Variants in NUDT3 observed in about 807,000 individuals in gnomAD.
NUDT3 encodes the protein diphosphoinositol polyphosphate phosphohydrolase 1.
Under a neutral mutation model 23.6 loss-of-function variants are expected in NUDT3, and 9 were observed. That is an observed-to-expected ratio of 0.38 (90% CI 0.23 to 0.66). NUDT3 has a LOEUF of 0.66. NUDT3 is among the 30% of genes least tolerant of loss of function. The probability of loss-of-function intolerance (pLI) is 0.52; values close to 1 mark genes in which losing one functional copy is unlikely to be tolerated. For missense variants in NUDT3, 172 were observed against 218.5 expected, an observed-to-expected ratio of 0.79 and a Z score of 1.34; for synonymous variants, 86 against 82.6, an observed-to-expected ratio of 1.04 and a Z score of -0.22.
intron 2 of NUDT3, among the ~76,000 whole-genome samples, chr6:34,337,412 G>A (rs1027781662): frequency 6.6e-6 from 1 of 152,186 alleles, no homozygotes; most frequent in African/African-American, 2.4e-5. Context: ...ACAGGAGCTA[G>A]GTAAGATACT....
At chr6:34,374,167 A>G (rs1315796491) in intron 1 of NUDT3, among the ~76,000 whole-genome samples, 1 of 150,438 alleles carries the variant, frequency 6.6e-6, no homozygotes, top group Non-Finnish European at 1.5e-5. Flanking sequence ...AAAAAAAAAA[A>G]AAAAAAAAAA....
At position 34,366,204 on chromosome 6, in the gene NUDT3, C is replaced by CA. The variant is rs763153596; in HGVS notation, c.100-24233dup. Among the ~76,000 whole-genome samples, 424 of 133,248 alleles carry CA rather than the reference C, an allele frequency of 3.2e-3. 3 individuals carry two copies. Among genetic ancestry groups the CA allele is most frequent in the African/African-American group, 7.1e-3 (258 of 36,436 alleles). 87.4% of individuals were successfully genotyped at this position (133,248 alleles called of 152,430 possible). A position where few individuals can be genotyped will look rare whatever the true frequency, so the allele number is the denominator to read the frequency against. ...CAACATAGGAAGACCCCATCTCTAC[C>CA]AAAAAAAAAAAAATACAAAAAGTAG... is the stretch of plus-strand genomic sequence containing the variant. On this transcript the variant is annotated intron_variant, in intron 1 of 4. Coordinates refer to ENST00000607016, the MANE Select transcript of NUDT3 (RefSeq NM_006703.4).
chr6:34,383,123 T>A (rs1765050016), intron 1 of NUDT3, among the ~76,000 whole-genome samples: 2 of 132,930 alleles, frequency 1.5e-5, no homozygotes, highest in South Asian at 4.7e-4. Context: ...CAAGACTCCA[T>A]CTCAAAAAAA....
intron 2 of NUDT3, among the ~76,000 whole-genome samples, chr6:34,302,454 C>T (rs530859581): frequency 5.9e-5 from 9 of 152,252 alleles, no homozygotes; most frequent in East Asian, 1.9e-4. Flanking sequence ...CATCCATGGC[C>T]GGGTGCGGTG....
intron 2 of NUDT3, among the ~76,000 whole-genome samples, chr6:34,328,602 C>T (rs1764079318): frequency 6.6e-6 from 1 of 152,140 alleles, no homozygotes; most frequent in Admixed American, 6.5e-5. Flanking sequence ...CAGCTCACTG[C>T]AGCCTTGATG....
chr6:34,296,736 T>C (rs1170826636), intron 2 of NUDT3, among the ~76,000 whole-genome samples: 1 of 152,086 alleles, frequency 6.6e-6, no homozygotes, highest in East Asian at 1.9e-4. Flanking sequence ...TCCCATGGGA[T>C]TAAGACCCTG....
Position 34,335,752 on chromosome 6 carries a change from G to T in NUDT3, c.210+6110C>A, listed in dbSNP as rs200319039. Among the ~76,000 whole-genome samples, 330 of 141,462 alleles carry T rather than the reference G, an allele frequency of 2.3e-3. 2 individuals are homozygous for T. The highest frequency in any genetic ancestry group is 9.4e-3 in the East Asian group (46 of 4,878). 92.8% of individuals were successfully genotyped at this position (141,462 alleles called of 152,430 possible). A position where few individuals can be genotyped will look rare whatever the true frequency, so the allele number is the denominator to read the frequency against. ...GTGTTTTTTTCTTTGAAAATGCTGT[G>T]TTTTTTTTTTTTGTTTTTTAAGATG... On this transcript the variant is annotated intron_variant, in intron 2 of 4. Coordinates refer to ENST00000607016, the MANE Select transcript of NUDT3 (RefSeq NM_006703.4).
Position 34,392,650 on chromosome 6 carries a change from G to A in NUDT3, c.-288C>T, listed in dbSNP as rs1765230002. 2 of 216,218 alleles carry A rather than the reference G, an allele frequency of 9.2e-6. No individual in the cohort carries two copies. The highest frequency in any genetic ancestry group is 2.3e-5 in the African/African-American group (1 of 43,198). 13.4% of individuals were successfully genotyped at this position (216,218 alleles called of 1,614,324 possible). A position where few individuals can be genotyped will look rare whatever the true frequency, so the allele number is the denominator to read the frequency against. The stretch of plus-strand genomic sequence containing the variant: ...GACGACGACCGCGCCGCCATCTTGG[G>A]CGCGATGCGTCAGCGGCGTAAGGCT... On this transcript the variant is annotated 5_prime_UTR_variant, in exon 1 of 5. Coordinates refer to ENST00000607016, the MANE Select transcript of NUDT3 (RefSeq NM_006703.4).
At chr6:34,305,065 C>T (rs1763660027) in intron 2 of NUDT3, among the ~76,000 whole-genome samples, 1 of 149,892 alleles carries the variant, frequency 6.7e-6, no homozygotes, top group Non-Finnish European at 1.5e-5. Flanking sequence ...TCACTGCAAC[C>T]TCCATCTTCC....
intron 2 of NUDT3, among the ~76,000 whole-genome samples, chr6:34,316,741 GC>G (rs1056969766): frequency 3.3e-5 from 5 of 152,204 alleles, no homozygotes; most frequent in Non-Finnish European, 7.3e-5. Flanking sequence ...TAGAGGAGCA[GC>G]AAGGGGGCTA....
intron 2 of NUDT3, among the ~76,000 whole-genome samples, chr6:34,313,912 A>C (rs1561903832): frequency 6.6e-6 from 1 of 151,594 alleles, no homozygotes; most frequent in East Asian, 2.0e-4. Flanking sequence ...AGCCTGACCA[A>C]CATGGAGAAA....
intron 2 of NUDT3, among the ~76,000 whole-genome samples, chr6:34,324,828 T>G (rs1257733906): frequency 6.6e-6 from 1 of 152,106 alleles, no homozygotes; most frequent in Non-Finnish European, 1.5e-5. Flanking sequence ...TACCATTTAG[T>G]AACAGCCTCA....
chr6:34,336,646 A>G (rs1482419324), intron 2 of NUDT3, among the ~76,000 whole-genome samples: 2 of 150,990 alleles, frequency 1.3e-5, no homozygotes, highest in African/African-American at 2.4e-5. Context: ...TGTCCAGACC[A>G]ATGTCCTAAA....
chr6:34,299,714 T>A (rs1763569282), intron 2 of NUDT3, among the ~76,000 whole-genome samples: 1 of 151,242 alleles, frequency 6.6e-6, no homozygotes, highest in Admixed American at 6.6e-5. Flanking sequence ...AAGACCAGCC[T>A]GGCCAACACG....
Position 34,379,631 on chromosome 6 carries a change from G to A in NUDT3, c.99+12633C>T, listed in dbSNP as rs1405043160. Reference sequence around the variant, plus strand: ...TTGCTATGTTACCCAGGCTGGTCTCGAATTCCTGGCCTCAAGTGATCATCC... The same window carrying A: ...TTGCTATGTTACCCAGGCTGGTCTCAAATTCCTGGCCTCAAGTGATCATCC... On this transcript the variant is annotated intron_variant, in intron 1 of 4. Transcript: ENST00000607016. Among the ~76,000 whole-genome samples the A allele has an allele frequency of 2.0e-5, 3 of 151,810 alleles. No homozygotes were observed. The East Asian group carries it at 5.8e-4, about 30-fold the overall frequency.
In NUDT3 at chr6:34,316,963, T is replaced by C. The variant is rs1763870986; in HGVS notation, c.211-21278A>G. On this transcript the variant is annotated intron_variant, in intron 2 of 4. Coordinates refer to ENST00000607016, the MANE Select transcript of NUDT3 (RefSeq NM_006703.4). The stretch of plus-strand genomic sequence containing the variant: ...GGGTGCAGGGGGTGTAGCTAAGGAA[T>C]TGAGGTGAGTGGTGATGGTGGCTTG... Among the ~76,000 whole-genome samples the C allele has an allele frequency of 2.6e-5, 4 of 152,132 alleles. No individual in the cohort carries two copies. In the South Asian group the frequency reaches 8.3e-4, roughly 32 times the overall value.
At chr6:34,388,118 G>A (rs1581906646) in intron 1 of NUDT3, among the ~76,000 whole-genome samples, 1 of 152,122 alleles carries the variant, frequency 6.6e-6, no homozygotes, top group African/African-American at 2.4e-5. Context: ...GTCACATGCT[G>A]TACAGTTTTG....
chr6:34,296,193 C>A (rs1763496716), intron 2 of NUDT3, among the ~76,000 whole-genome samples: 1 of 152,164 alleles, frequency 6.6e-6, no homozygotes. Context: ...CACCTGAGCC[C>A]AGGAGTTCAA....
At chr6:34,289,860 A>G (rs1399399444) in intron 4 of NUDT3, among the ~76,000 whole-genome samples, 4 of 152,182 alleles carry the variant, frequency 2.6e-5, no homozygotes, top group Non-Finnish European at 5.9e-5. Flanking sequence ...CCCTAGCACA[A>G]CTGCCCTTTT....
Sources: gnomAD v4.1 joint callset for allele counts (sites outside exome capture counted in the v4.1 genomes callset) on GRCh38, gnomAD v4.1.1 for gene constraint, MANE v1.5 for transcripts, NCBI Gene and HGNC (gene_info 2026-07-23, HGNC 2026-07-21) for gene names.